The following AKAP6 variants were observed in gnomAD, a reference collection of about 807,000 sequenced individuals.
The protein encoded by AKAP6 is A-kinase anchoring protein 6.
Under a neutral mutation model 188.5 loss-of-function variants are expected in AKAP6, and 58 were observed. The observed-to-expected ratio is 0.31, with a 90% confidence interval of 0.25 to 0.38. The LOEUF is 0.38. AKAP6 is among the 10% of genes least tolerant of loss of function. The pLI is 1.00. For synonymous variants in AKAP6, 989 were observed against 998.6 expected (o/e 0.99, Z 0.18); for missense variants, 2,710 against 2,740.0 (o/e 0.99, Z 0.24).
intron 5 of AKAP6, among the ~76,000 whole-genome samples, chr14:32,595,066 T>C (rs1885639054): frequency 1.3e-5 from 2 of 152,158 alleles, no homozygotes. Context: ...AAGCATACCT[T>C]TTTTAATTAA....
chr14:32,352,099 GTGTT>G lies in AKAP6; in HGVS notation c.-35+22695_-35+22698del, dbSNP rs1299117736. ...TGTGTGTGTGTGTGTGTGTGTGTGT[GTGTT>G]TGTGTGTGTGTGTGTGTGTGTGTGT... On this transcript the variant is annotated intron_variant, in intron 1 of 13. Transcript: ENST00000280979. 7.9e-3 allele frequency among the ~76,000 whole-genome samples: 936 copies of G among 118,042 alleles called. 5 individuals are homozygous for G. Among genetic ancestry groups the G allele is most frequent in the East Asian group, 0.053 (211 of 3,972 alleles). The allele number at this position is 118,042 out of a possible 152,430, so 77.4% of individuals were successfully genotyped here. A position where few individuals can be genotyped will look rare whatever the true frequency, so the allele number is the denominator to read the frequency against.
chr14:32,477,554 G>T (rs1879132499), intron 2 of AKAP6, among the ~76,000 whole-genome samples: 1 of 152,140 alleles, frequency 6.6e-6, no homozygotes, highest in East Asian at 1.9e-4. Flanking sequence ...AGGCAACTTG[G>T]CTGTTATATG....
At chr14:32,690,076 TACACAC>T (rs10658220) in intron 8 of AKAP6, among the ~76,000 whole-genome samples, 2,334 of 135,994 alleles carry the variant, frequency 0.017, 31 homozygotes, top group African/African-American at 0.034. Flanking sequence ...TGCCCCAAAA[TACACAC>T]ACACACACAC....
At chr14:32,458,307 A>C (rs997615186) in intron 2 of AKAP6, among the ~76,000 whole-genome samples, 4 of 152,158 alleles carry the variant, frequency 2.6e-5, no homozygotes, top group African/African-American at 7.2e-5. Context: ...TATAAACTTG[A>C]AGAAGCTTTT....
At chr14:32,450,946 G>A (rs940271830) in intron 2 of AKAP6, among the ~76,000 whole-genome samples, 1 of 152,038 alleles carries the variant, frequency 6.6e-6, no homozygotes, top group Admixed American at 6.6e-5. Flanking sequence ...ATTTATAATA[G>A]TAAAATGTTG....
intron 7 of AKAP6, among the ~76,000 whole-genome samples, chr14:32,652,745 T>C (rs1302834247): frequency 6.6e-6 from 1 of 152,206 alleles, no homozygotes; most frequent in Non-Finnish European, 1.5e-5. Context: ...TCTTTCTGAA[T>C]GCACATCTCT....
intron 2 of AKAP6, among the ~76,000 whole-genome samples, chr14:32,490,510 C>T (rs903879419): frequency 3.3e-5 from 5 of 152,118 alleles, no homozygotes; most frequent in Non-Finnish European, 4.4e-5. Flanking sequence ...ATTCATCTTA[C>T]GAGGACTGGT....
chr14:32,605,447 C>G (rs1886092614), intron 7 of AKAP6, among the ~76,000 whole-genome samples: 4 of 152,230 alleles, frequency 2.6e-5, no homozygotes, highest in Middle Eastern at 3.4e-3. Flanking sequence ...CTGCCACAGA[C>G]TGCACCAAGA....
intron 12 of AKAP6, among the ~76,000 whole-genome samples, chr14:32,818,559 A>G (rs1037150585): frequency 6.6e-6 from 1 of 151,402 alleles, no homozygotes; most frequent in East Asian, 1.9e-4. Context: ...TTTGATCTGC[A>G]GTTGGTTGAA....
intron 2 of AKAP6, among the ~76,000 whole-genome samples, chr14:32,478,589 C>G (rs1420330795): frequency 2.0e-5 from 3 of 152,146 alleles, no homozygotes; most frequent in African/African-American, 7.2e-5. Flanking sequence ...AAGAGATAAT[C>G]AGCAAGGAGA....
rs866309300 is a variant in AKAP6, at chr14:32,344,936, A to G, written c.-35+15528A>G. ...GTCTTAAAAAAAAAAAAAAAAAAAA[A>G]AGAGAGAGAGTATATATAAGCAGAA... On this transcript the variant is annotated intron_variant, in intron 1 of 13. Coordinates refer to ENST00000280979, the MANE Select transcript of AKAP6 (RefSeq NM_004274.5). 6.3e-3 allele frequency among the ~76,000 whole-genome samples: 942 copies of G among 149,862 alleles called. 9 individuals carry two copies. The highest frequency in any genetic ancestry group is 0.022 in the African/African-American group (874 of 40,434).
chr14:32,813,523 G>A (rs370493339), intron 12 of AKAP6, among the ~76,000 whole-genome samples: 15 of 151,056 alleles, frequency 9.9e-5, no homozygotes, highest in African/African-American at 3.4e-4. Flanking sequence ...TTTCTCATTA[G>A]CATAAACTCT....
intron 1 of AKAP6, among the ~76,000 whole-genome samples, chr14:32,393,462 A>G (rs545404902): frequency 1.3e-5 from 2 of 152,154 alleles, no homozygotes; most frequent in Non-Finnish European, 2.9e-5. Flanking sequence ...AATGACCCTG[A>G]ATAGATCCTG....
At chr14:32,678,264 A>T in intron 7 of AKAP6, 47 bp from the exon 8 acceptor site, 1 of 1,572,164 alleles carries the variant, frequency 6.4e-7, no homozygotes, top group African/African-American at 1.3e-5. Flanking sequence ...CTTGAAATGC[A>T]TTCCTTCTGG....
At chr14:32,453,588 T>TTTC in intron 2 of AKAP6, among the ~76,000 whole-genome samples, 1 of 9,964 alleles carries the variant, frequency 1.0e-4, no homozygotes, top group Non-Finnish European at 1.9e-4. Context: ...TTTTTTTTTT[T>TTTC]TTTTTTTTTT....
chr14:32,781,255 A>T, intron 12 of AKAP6, among the ~76,000 whole-genome samples: 1 of 151,906 alleles, frequency 6.6e-6, no homozygotes, highest in Admixed American at 6.6e-5. Flanking sequence ...AGAGACAGAC[A>T]TCACTACAGC....
rs1281498387 is a variant in AKAP6, at chr14:32,821,910, T to C, written c.4097T>C (p.Ile1366Thr). 1 of 1,613,810 alleles carries C rather than the reference T, an allele frequency of 6.2e-7. No individual in the cohort carries two copies. ...MSQNSGSESGIVSEGDTETTT... is the reference protein window; with the variant it reads ...MSQNSGSESGTVSEGDTETTT... ...CAGAATTCAGGCAGTGAGAGTGGAA[T>C]TGTCAGTGAAGGAGACACAGAAACC... Residue 1366 changes from isoleucine (I) to threonine (T), a missense_variant, in exon 13 of 14, where the codon ATT becomes ACT. Transcript: ENST00000280979.
At chr14:32,626,094 A>T (rs1029746489) in intron 7 of AKAP6, among the ~76,000 whole-genome samples, 2 of 152,240 alleles carry the variant, frequency 1.3e-5, no homozygotes, top group South Asian at 2.1e-4. Context: ...TCTCATTTTC[A>T]TACCCACTGG....
intron 1 of AKAP6, among the ~76,000 whole-genome samples, chr14:32,384,578 G>A (rs566165621): frequency 2.2e-4 from 33 of 152,264 alleles, no homozygotes; most frequent in African/African-American, 7.5e-4. Flanking sequence ...TGTTTAATAC[G>A]TGGCAGAGCT....
Sources: allele counts gnomAD v4.1 joint callset (sites outside exome capture counted in the v4.1 genomes callset), GRCh38; gene constraint gnomAD v4.1.1; transcripts MANE v1.5; gene names NCBI Gene and HGNC (gene_info 2026-07-23, HGNC 2026-07-21).